SDF4: variants seen among roughly 807,000 people sequenced by gnomAD.
The protein encoded by SDF4 is stromal cell derived factor 4.
In SDF4, 22 loss-of-function variants were observed where a neutral mutation model predicts 34.2. The ratio of observed to expected loss-of-function variants is 0.64; its 90% CI spans 0.46 to 0.92. SDF4 has a LOEUF of 0.92. SDF4 is among the 40% of genes least tolerant of loss of function. The pLI, the probability that SDF4 is intolerant of heterozygous loss-of-function variation, is 0.00. For synonymous variants in SDF4, 236 were observed against 203.1 expected (o/e 1.16, Z -1.38); for missense variants, 447 against 499.9 (o/e 0.89, Z 1.01).
intron 4 of SDF4, among the ~76,000 whole-genome samples, chr1:1,222,424 G>A (rs145717019): frequency 2.9e-5 from 4 of 139,434 alleles, no homozygotes; most frequent in South Asian, 2.6e-4. Flanking sequence ...GCTTGGACCC[G>A]CCCAGGGCTG....
rs558543239 is a variant in SDF4, at chr1:1,223,854, G to A, written c.420C>T (p.Arg140=). 2.1e-5 allele frequency: 33 copies of A among 1,535,590 alleles called. No homozygotes were observed. Among genetic ancestry groups the A allele is most frequent in the African/African-American group, 4.2e-5 (3 of 71,664 alleles). ...TACCGTCCCCGTCAGGGTCCACGGC[G>A]CGGAAGTGTGTCTTGCTCTCCTCCA... The part of the protein sequence containing the change: ...EAMEESKTHF[R]AVDPDGDGHV... Residue 140 remains arginine, a synonymous_variant, in exon 3 of 7, where the codon CGC becomes CGT. Coordinates refer to ENST00000360001, the MANE Select transcript of SDF4 (RefSeq NM_016176.6).
chr1:1,230,159 G>A (rs11260563), intron 1 of SDF4, among the ~76,000 whole-genome samples: 50,126 of 152,092 alleles, frequency 0.33, 10,750 homozygotes, highest in East Asian at 0.97. Flanking sequence ...TTCGGGTGCC[G>A]CTGAGGCCCC....
chr1:1,230,556 G>A (rs1638462645), intron 1 of SDF4, among the ~76,000 whole-genome samples: 1 of 151,980 alleles, frequency 6.6e-6, no homozygotes, highest in Non-Finnish European at 1.5e-5. Flanking sequence ...CACCTCCCAG[G>A]TTCAAGTGAT....
In SDF4 at chr1:1,218,321, C is replaced by G; in HGVS notation, c.891+137G>C. 1.1e-6 allele frequency: 1 copy of G among 917,978 alleles called. No homozygotes were observed. The highest frequency in any genetic ancestry group is 1.6e-6 in the Non-Finnish European group (1 of 621,284). The allele number at this position is 917,978 out of a possible 1,614,324, so 56.9% of individuals were successfully genotyped here. A position where few individuals can be genotyped will look rare whatever the true frequency, so the allele number is the denominator to read the frequency against. Reference sequence around the variant, plus strand: ...AGCCTGGTGGACACCGCTGAGCAAACGCCCCAGTGACCAGCCCAGATGGAG... The same window carrying G: ...AGCCTGGTGGACACCGCTGAGCAAAGGCCCCAGTGACCAGCCCAGATGGAG... On this transcript the variant is annotated intron_variant, in intron 6 of 6. Coordinates refer to ENST00000360001, the MANE Select transcript of SDF4 (RefSeq NM_016176.6). The surrounding 1 kb of genome is among the most constrained non-coding windows in gnomAD (Gnocchi z 7.9).
At chr1:1,225,776 C>T (rs1638285804) in intron 2 of SDF4, among the ~76,000 whole-genome samples, 1 of 150,570 alleles carries the variant, frequency 6.6e-6, no homozygotes, top group African/African-American at 2.5e-5. Flanking sequence ...ACACACTCCA[C>T]ACGCTCTACA....
chr1:1,218,975 C>T lies in SDF4; in HGVS notation c.557-48G>A, dbSNP rs376779621. On this transcript the variant is annotated intron_variant, in intron 4 of 6. Coordinates refer to ENST00000360001, the MANE Select transcript of SDF4 (RefSeq NM_016176.6). The surrounding 1 kb of genome is among the most constrained non-coding windows in gnomAD (Gnocchi z 7.9). ...GTATCGAGGCCGACAGACGCCAGCA[C>T]GCAAATCCAGAAAGTTCCGAGAGGT... 2.2e-5 allele frequency: 36 copies of T among 1,612,420 alleles called. No individual in the cohort carries two copies. The highest frequency in any genetic ancestry group is 3.3e-5 in the Admixed American group (2 of 59,942).
chr1:1,231,730 C>T (rs1638508507), intron 1 of SDF4, among the ~76,000 whole-genome samples, 162 bp downstream of exon 1: 1 of 152,118 alleles, frequency 6.6e-6, no homozygotes, highest in East Asian at 1.9e-4. Context: ...CCCCGGGAGC[C>T]CCGGTGGCGG....
chr1:1,230,063 G>A (rs1638445423), intron 1 of SDF4, among the ~76,000 whole-genome samples: 1 of 152,244 alleles, frequency 6.6e-6, no homozygotes, highest in Non-Finnish European at 1.5e-5. Context: ...CATGCCTCAT[G>A]TATCCCAAAG....
At chr1:1,224,765 T>C (rs1012414705) in intron 2 of SDF4, among the ~76,000 whole-genome samples, 1 of 152,002 alleles carries the variant, frequency 6.6e-6, no homozygotes, top group African/African-American at 2.4e-5. Flanking sequence ...ATTACGAAAA[T>C]TCGCCAGGCG....
chr1:1,217,706 A>G lies in SDF4; in HGVS notation c.892-18T>C. On this transcript the variant is annotated intron_variant, in intron 6 of 6. Coordinates refer to ENST00000360001, the MANE Select transcript of SDF4 (RefSeq NM_016176.6). The surrounding 1 kb of genome is among the most constrained non-coding windows in gnomAD (Gnocchi z 8.5). ...ATGTAGCTCTGCGGGCGAGCGGGGC[A>G]CAGGTCAGCGTCGCCTTTCCCCCTC... is the stretch of plus-strand genomic sequence containing the variant. 3 of 1,613,338 alleles carry G rather than the reference A, an allele frequency of 1.9e-6. No individual in the cohort carries two copies. Among genetic ancestry groups the G allele is most frequent in the South Asian group, 1.1e-5 (1 of 91,058 alleles).
chr1:1,226,522 C>G (rs1638313936), intron 2 of SDF4, among the ~76,000 whole-genome samples: 1 of 152,240 alleles, frequency 6.6e-6, no homozygotes, highest in African/African-American at 2.4e-5. Context: ...AGACACCGTT[C>G]CAGCCCAGAG....
chr1:1,229,417 G>A (rs1306731533), intron 1 of SDF4, among the ~76,000 whole-genome samples: 1 of 152,184 alleles, frequency 6.6e-6, no homozygotes, highest in African/African-American at 2.4e-5. Context: ...TCGCTGTATT[G>A]CTCAGGCTGG....
At chr1:1,222,882 C>G (rs2100975314) in intron 4 of SDF4, among the ~76,000 whole-genome samples, 1 of 152,382 alleles carries the variant, frequency 6.6e-6, no homozygotes, top group Non-Finnish European at 1.5e-5. Context: ...GGCGCACTCA[C>G]CTGCATGTAC....
At chr1:1,222,714 G>C (rs563476524) in intron 4 of SDF4, among the ~76,000 whole-genome samples, 1 of 152,400 alleles carries the variant, frequency 6.6e-6, no homozygotes, top group Admixed American at 6.5e-5. Context: ...GACCAGCAGA[G>C]CTGAAAGCTG....
chr1:1,229,826 C>T (rs147600344), intron 1 of SDF4, among the ~76,000 whole-genome samples: 2 of 152,232 alleles, frequency 1.3e-5, no homozygotes, highest in African/African-American at 4.8e-5. Flanking sequence ...TTTGCGAAGA[C>T]AGCCAACCCT....
At chr1:1,220,790 G>A in intron 4 of SDF4, 5 of 1,284,892 alleles carry the variant, frequency 3.9e-6, no homozygotes, top group South Asian at 1.2e-5. Context: ...ATCAGAGTTG[G>A]GGGGCGGGCA....
chr1:1,221,151 G>C (rs1205334351), intron 4 of SDF4: 2 of 231,406 alleles, frequency 8.6e-6, no homozygotes, highest in Admixed American at 5.2e-5. Context: ...CTCCAGATAA[G>C]AGTACGTGAA....
chr1:1,225,439 G>A (rs1442804950), intron 2 of SDF4, among the ~76,000 whole-genome samples: 2 of 152,198 alleles, frequency 1.3e-5, no homozygotes, highest in Non-Finnish European at 2.9e-5. Flanking sequence ...TGCACACACC[G>A]CAGGCACGGC....
chr1:1,220,899 G>C, intron 4 of SDF4: 1 of 496,688 alleles, frequency 2.0e-6, no homozygotes, highest in Admixed American at 2.7e-5. Context: ...CGGGACCGGG[G>C]TGGAGGCACG....
Sources: allele counts gnomAD v4.1 joint callset (sites outside exome capture counted in the v4.1 genomes callset), GRCh38; gene constraint gnomAD v4.1.1; non-coding constraint Gnocchi (gnomAD v3.1); transcripts MANE v1.5; gene names NCBI Gene and HGNC (gene_info 2026-07-23, HGNC 2026-07-21).